NAV3: variants seen among roughly 807,000 people sequenced by gnomAD.
NAV3 encodes neuron navigator 3.
Under a neutral mutation model 244.7 loss-of-function variants are expected in NAV3, and 87 were observed. That is an observed-to-expected ratio of 0.36 (90% confidence interval 0.30 to 0.42). NAV3 has a LOEUF of 0.42. Ranked by LOEUF, NAV3 falls within the 20% of genes least tolerant of loss-of-function variation. The probability of loss-of-function intolerance (pLI) is 1.00; values close to 1 mark genes in which losing one functional copy is unlikely to be tolerated. For synonymous variants in NAV3, 1,126 were observed against 1,042.2 expected, an observed-to-expected ratio of 1.08 and a Z score of -1.55; for missense variants, 2,663 against 2,893.3, an observed-to-expected ratio of 0.92 and a Z score of 1.83.
intron 2 of NAV3, among the ~76,000 whole-genome samples, chr12:77,782,525 A>T (rs1163233436): frequency 6.6e-6 from 1 of 152,236 alleles, no homozygotes; most frequent in Non-Finnish European, 1.5e-5. Context: ...GAATTTGACC[A>T]GTTATAGTCA....
intron 1 of NAV3, among the ~76,000 whole-genome samples, chr12:77,904,502 GT>G (rs1282198456): frequency 6.6e-6 from 1 of 152,164 alleles, no homozygotes; most frequent in Non-Finnish European, 1.5e-5. Context: ...CATGGGGTTG[GT>G]GGAGGGGGAG....
chr12:78,115,985 C>G (rs1029148374), intron 12 of NAV3, among the ~76,000 whole-genome samples: 1 of 152,238 alleles, frequency 6.6e-6, no homozygotes, highest in African/African-American at 2.4e-5. Flanking sequence ...TTAGCTATTT[C>G]TCTTATATTT....
intron 2 of NAV3, among the ~76,000 whole-genome samples, chr12:77,632,202 C>G (rs1283567149): frequency 1.3e-5 from 2 of 152,076 alleles, no homozygotes; most frequent in Non-Finnish European, 2.9e-5. Flanking sequence ...GCATGTTTTT[C>G]CCAAGGGGTT....
upstream of NAV3, among the ~76,000 whole-genome samples, chr12:77,830,432 A>G (rs1873485430): frequency 6.6e-6 from 1 of 152,214 alleles, no homozygotes; most frequent in East Asian, 1.9e-4. Flanking sequence ...AGTCATTCCA[A>G]TGATTAAATG....
intron 1 of NAV3, among the ~76,000 whole-genome samples, chr12:77,930,996 A>G (rs1888728425): frequency 6.6e-6 from 1 of 152,102 alleles, no homozygotes; most frequent in African/African-American, 2.4e-5. Context: ...CTTTTAGAAT[A>G]TTCTTTTTAT....
chr12:77,715,418 TA>T (rs1394371668), intron 2 of NAV3, among the ~76,000 whole-genome samples: 25 of 151,968 alleles, frequency 1.6e-4, no homozygotes, highest in Admixed American at 2.0e-4. Flanking sequence ...GAATGTCTAA[TA>T]TTTTTAAAGT....
chr12:77,669,181 C>G (rs773620543), intron 2 of NAV3, among the ~76,000 whole-genome samples: 4 of 152,144 alleles, frequency 2.6e-5, no homozygotes, highest in Non-Finnish European at 5.9e-5. Context: ...GACAGCACTA[C>G]AAGAACTGCT....
intron 2 of NAV3, among the ~76,000 whole-genome samples, chr12:77,779,259 C>T (rs1488504113): frequency 6.6e-6 from 1 of 152,208 alleles, no homozygotes; most frequent in East Asian, 1.9e-4. Flanking sequence ...ATTTTGGCTT[C>T]TGCACATCGG....
intron 1 of NAV3, among the ~76,000 whole-genome samples, chr12:77,934,903 A>G (rs1889179205): frequency 6.6e-6 from 1 of 152,218 alleles, no homozygotes; most frequent in Non-Finnish European, 1.5e-5. Context: ...TATTCATAAT[A>G]TCTTCTAATC....
At chr12:77,962,409 C>T (rs937675812) in intron 3 of NAV3, among the ~76,000 whole-genome samples, 1 of 152,186 alleles carries the variant, frequency 6.6e-6, no homozygotes, top group Non-Finnish European at 1.5e-5. Context: ...GACTTCCATT[C>T]ATGATCTTTT....
chr12:77,935,080 CA>C, intron 1 of NAV3, among the ~76,000 whole-genome samples: 2 of 152,168 alleles, frequency 1.3e-5, no homozygotes, highest in South Asian at 4.1e-4. Context: ...TATGGAATAA[CA>C]AAAATAGTTA....
chr12:77,629,642 T>A (rs1871796431), intron 2 of NAV3, among the ~76,000 whole-genome samples: 1 of 147,808 alleles, frequency 6.8e-6, no homozygotes, highest in Admixed American at 6.6e-5. Context: ...CTCTGCAATG[T>A]GGCACCAACC....
chr12:77,741,146 G>GAAAAAAAAA (rs1393220189), intron 2 of NAV3, among the ~76,000 whole-genome samples: 3 of 7,370 alleles, frequency 4.1e-4, no homozygotes, highest in Non-Finnish European at 8.9e-4. Context: ...AAAAAAAAAA[G>GAAAAAAAAA]ACAAAAAAAA....
chr12:78,133,127 T>C (rs1037603561), intron 18 of NAV3, among the ~76,000 whole-genome samples: 7 of 152,106 alleles, frequency 4.6e-5, no homozygotes, highest in Non-Finnish European at 7.4e-5. Flanking sequence ...TTTTCACCCA[T>C]TGGAAGGTAT....
At chr12:77,585,055 T>C (rs968747295) in intron 2 of NAV3, among the ~76,000 whole-genome samples, 1 of 152,190 alleles carries the variant, frequency 6.6e-6, no homozygotes, top group Non-Finnish European at 1.5e-5. Flanking sequence ...AACCCCGTTC[T>C]CACATGTCTA....
chr12:78,139,586 AT>A (rs1380872117), intron 19 of NAV3, among the ~76,000 whole-genome samples: 3 of 152,290 alleles, frequency 2.0e-5, no homozygotes, highest in Admixed American at 1.3e-4. Flanking sequence ...AATCAGCACC[AT>A]TTTATCCACC....
intron 39 of NAV3, among the ~76,000 whole-genome samples, chr12:78,208,697 T>G (rs544110358): frequency 6.6e-6 from 1 of 152,316 alleles, no homozygotes; most frequent in South Asian, 2.1e-4. Context: ...ATAACAATAC[T>G]ATTACACAGT....
rs188651040 is a variant in NAV3, at chr12:78,128,624, C to T, written c.4281-82C>T. ...TGAAATTGTTCATTCTGAATAGTAA[C>T]CTCCTCTGAATTGTTTTCCTGTCCT... is the stretch of plus-strand genomic sequence containing the variant. On this transcript the variant is annotated intron_variant, in intron 17 of 39. Coordinates refer to ENST00000397909, the MANE Select transcript of NAV3 (RefSeq NM_001024383.2). 18 of 1,357,678 alleles carry T rather than the reference C, an allele frequency of 1.3e-5. No homozygotes were observed. The Admixed American group carries it at 2.9e-4, about 22-fold the overall frequency. The allele number at this position is 1,357,678 out of a possible 1,614,324, so 84.1% of individuals were successfully genotyped here. A position where few individuals can be genotyped will look rare whatever the true frequency, so the allele number is the denominator to read the frequency against.
In NAV3 at chr12:77,937,797, T is replaced by A. The variant is rs1889466336; in HGVS notation, c.244-2522T>A. On this transcript the variant is annotated intron_variant, in intron 1 of 39. Coordinates refer to ENST00000397909, the MANE Select transcript of NAV3 (RefSeq NM_001024383.2). ...TTTGTGAAATTATAACTTTAACAAG[T>A]ATTTGTTGGAAAGCTATCACAGCAA... Among the ~76,000 whole-genome samples the A allele has an allele frequency of 2.0e-5, 3 of 152,196 alleles. No homozygotes were observed. In the South Asian group the frequency reaches 6.2e-4, roughly 31 times the overall value.
Sources: gnomAD v4.1 joint callset for allele counts (sites outside exome capture counted in the v4.1 genomes callset) on GRCh38, gnomAD v4.1.1 for gene constraint, MANE v1.5 for transcripts, NCBI Gene and HGNC (gene_info 2026-07-23, HGNC 2026-07-21) for gene names.